ESRRG: variants seen among roughly 807,000 people sequenced by gnomAD.
ESRRG encodes the protein estrogen related receptor gamma, also known as estrogen-related receptor gamma.
ESRRG carries 13 observed loss-of-function variants against 44.0 expected under a neutral mutation model. The observed-to-expected ratio is 0.30, with a 90% CI of 0.19 to 0.47. ESRRG has a LOEUF of 0.47. ESRRG is among the 20% of genes least tolerant of loss of function. The probability of loss-of-function intolerance (pLI) is 1.00; values close to 1 mark genes in which losing one functional copy is unlikely to be tolerated. For synonymous variants in ESRRG, 215 were observed against 214.6 expected (o/e 1.00, Z -0.02); for missense variants, 395 against 580.6 (o/e 0.68, Z 3.29).
At chr1:217,128,135 G>A (rs1188696993) in intron 1 of ESRRG, among the ~76,000 whole-genome samples, 1 of 152,086 alleles carries the variant, frequency 6.6e-6, no homozygotes, top group East Asian at 1.9e-4. Flanking sequence ...ACCACTAGTG[G>A]ACAAAATCGG....
At position 216,572,174 on chromosome 1, in the gene ESRRG, T is replaced by A. The variant is rs564890416; in HGVS notation, c.590-4076A>T. ...TTATTTGGTTTACCTGATTTCATGC[T>A]TGGTGAAATGTTTGAACCAAAATCC... On this transcript the variant is annotated intron_variant, in intron 3 of 6. Transcript: ENST00000408911. 2.8e-4 allele frequency among the ~76,000 whole-genome samples: 43 copies of A among 152,284 alleles called. 1 individual carries two copies. The highest frequency in any genetic ancestry group is 1.0e-3 in the African/African-American group (42 of 41,582).
At chr1:216,853,601 G>T (rs2149007484) in intron 2 of ESRRG, among the ~76,000 whole-genome samples, 1 of 152,088 alleles carries the variant, frequency 6.6e-6, no homozygotes, top group South Asian at 2.1e-4. Context: ...GACTCACTAA[G>T]ACCCCTGTCT....
At chr1:216,780,565 G>A (rs754339304) in intron 2 of ESRRG, among the ~76,000 whole-genome samples, 3 of 152,006 alleles carry the variant, frequency 2.0e-5, no homozygotes, top group African/African-American at 7.2e-5. Context: ...CTGTGGCTCT[G>A]TTACTATCAA....
At chr1:216,798,562 T>C (rs566886808) in intron 2 of ESRRG, among the ~76,000 whole-genome samples, 44 of 152,280 alleles carry the variant, frequency 2.9e-4, no homozygotes, top group South Asian at 1.2e-3. Flanking sequence ...GGCAGTGTCA[T>C]GACCAGACTG....
chr1:216,642,983 A>G (rs948235894), intron 3 of ESRRG, among the ~76,000 whole-genome samples: 4 of 152,180 alleles, frequency 2.6e-5, no homozygotes, highest in Non-Finnish European at 5.9e-5. Flanking sequence ...TTAAATGAAC[A>G]TTTTGTTAAA....
chr1:216,812,799 T>C (rs1369506036), intron 2 of ESRRG, among the ~76,000 whole-genome samples: 1 of 152,160 alleles, frequency 6.6e-6, no homozygotes, highest in African/African-American at 2.4e-5. Context: ...TCCTCTTGAA[T>C]AAACATCCAA....
intron 1 of ESRRG, among the ~76,000 whole-genome samples, chr1:216,711,003 G>C (rs1470424398): frequency 6.6e-6 from 1 of 152,120 alleles, no homozygotes; most frequent in South Asian, 2.1e-4. Context: ...GTAAGCTGTC[G>C]TGCATTTACC....
intron 1 of ESRRG, among the ~76,000 whole-genome samples, chr1:216,942,920 C>T: frequency 6.6e-6 from 1 of 152,254 alleles, no homozygotes; most frequent in South Asian, 2.1e-4. Flanking sequence ...AATTAGGTCT[C>T]AGTTATCAAT....
chr1:216,680,894 G>A (rs187299710), intron 1 of ESRRG, among the ~76,000 whole-genome samples: 1 of 152,246 alleles, frequency 6.6e-6, no homozygotes, highest in East Asian at 1.9e-4. Flanking sequence ...AACTCTAAGA[G>A]GAATGTAGTG....
chr1:216,735,627 C>T (rs1369326283), intron 2 of ESRRG, among the ~76,000 whole-genome samples: 1 of 152,058 alleles, frequency 6.6e-6, no homozygotes, highest in Non-Finnish European at 1.5e-5. Context: ...TTTAACATTA[C>T]ATTTATAAAT....
chr1:216,532,196 T>C (rs1383715830), intron 5 of ESRRG, among the ~76,000 whole-genome samples: 1 of 151,890 alleles, frequency 6.6e-6, no homozygotes. Context: ...CTTAATTGCA[T>C]ACATTAGGAT....
At chr1:216,773,209 G>A (rs1388840898) in intron 2 of ESRRG, among the ~76,000 whole-genome samples, 3 of 152,062 alleles carry the variant, frequency 2.0e-5, no homozygotes, top group South Asian at 2.1e-4. Flanking sequence ...AGCGTAAATT[G>A]TGTTTGTTTT....
chr1:217,110,653 G>C (rs1293247076), intron 1 of ESRRG, among the ~76,000 whole-genome samples: 3 of 152,030 alleles, frequency 2.0e-5, no homozygotes, highest in Admixed American at 6.6e-5. Context: ...TGGAGGATGA[G>C]GTGCCACACA....
At chr1:216,656,121 T>C (rs2070480433) in intron 2 of ESRRG, among the ~76,000 whole-genome samples, 1 of 152,196 alleles carries the variant, frequency 6.6e-6, no homozygotes, top group Admixed American at 6.6e-5. Context: ...GCACCTGGAA[T>C]GTGAACACTG....
intron 2 of ESRRG, among the ~76,000 whole-genome samples, chr1:216,666,939 C>T (rs192310970): frequency 3.9e-5 from 6 of 152,120 alleles, no homozygotes; most frequent in African/African-American, 1.4e-4. Flanking sequence ...TCTCCTCCCC[C>T]CAAAAAAAAT....
intron 2 of ESRRG, among the ~76,000 whole-genome samples, chr1:216,906,759 C>T (rs1315298870): frequency 6.6e-6 from 1 of 152,138 alleles, no homozygotes; most frequent in African/African-American, 2.4e-5. Flanking sequence ...GTAATATTAC[C>T]TACATCCAAA....
intron 2 of ESRRG, among the ~76,000 whole-genome samples, chr1:216,847,548 C>T (rs961330846): frequency 2.6e-5 from 4 of 152,030 alleles, no homozygotes; most frequent in East Asian, 1.9e-4. Context: ...CATCCTTTCT[C>T]GGCAACCAAC....
chr1:216,576,790 GC>G (rs2149743286), intron 3 of ESRRG, among the ~76,000 whole-genome samples: 1 of 152,122 alleles, frequency 6.6e-6, no homozygotes, highest in South Asian at 2.1e-4. Context: ...GAAGCATGGA[GC>G]CCTAATCTAT....
intron 6 of ESRRG, among the ~76,000 whole-genome samples, chr1:216,510,820 G>A (rs1205224784): frequency 6.6e-6 from 1 of 152,150 alleles, no homozygotes; most frequent in African/African-American, 2.4e-5. Flanking sequence ...ATGGCAGTGA[G>A]CTGAGATCGC....
Sources: gnomAD v4.1 joint callset for allele counts (sites outside exome capture counted in the v4.1 genomes callset) on GRCh38, gnomAD v4.1.1 for gene constraint, MANE v1.5 for transcripts, NCBI Gene and HGNC (gene_info 2026-07-23, HGNC 2026-07-21) for gene names.